The following TBC1D1 variants were observed in gnomAD, a reference collection of about 807,000 sequenced individuals.
TBC1D1 encodes the protein TBC1 (tre-2/USP6, BUB2, cdc16) domain family, member 1.
Under a neutral mutation model 125.6 loss-of-function variants are expected in TBC1D1, and 89 were observed. The observed-to-expected ratio is 0.71, with a 90% CI of 0.60 to 0.85. The LOEUF (loss-of-function observed/expected upper bound fraction) is 0.85, where lower values mean the gene tolerates loss of function less well. Among genes scored for constraint, TBC1D1 ranks in the 40% least tolerant of loss-of-function variants. The pLI is 0.00. For synonymous variants in TBC1D1, 565 were observed against 564.1 expected, an observed-to-expected ratio of 1.00 and a Z score of -0.02; for missense variants, 1,377 against 1,469.2, an observed-to-expected ratio of 0.94 and a Z score of 1.03.
intron 12 of TBC1D1, chr4:38,060,666 A>G: frequency 7.8e-7 from 1 of 1,287,418 alleles, no homozygotes; most frequent in Admixed American, 2.3e-5. Flanking sequence ...AAGGTAAAGC[A>G]GATAGAGGCA....
intron 2 of TBC1D1, among the ~76,000 whole-genome samples, chr4:37,954,307 G>A (rs78364024): frequency 0.076 from 11,615 of 151,832 alleles, 602 homozygotes; most frequent in Non-Finnish European, 0.1. Flanking sequence ...CTTTCCTATG[G>A]TACTGAACAT....
chr4:38,124,913 C>A (rs768595991), intron 17 of TBC1D1, 49 bp from the exon 20 acceptor site: 1 of 1,535,276 alleles, frequency 6.5e-7, no homozygotes, highest in Non-Finnish European at 9.0e-7. Context: ...AATGGTATTG[C>A]GTGAGAAACT....
intron 12 of TBC1D1, among the ~76,000 whole-genome samples, chr4:38,068,139 A>C (rs1395284763): frequency 1.3e-5 from 2 of 152,062 alleles, no homozygotes; most frequent in Non-Finnish European, 2.9e-5. Context: ...AAGCAGAACA[A>C]AACAGGAGAT....
At chr4:38,121,101 C>T (rs528832860) in intron 17 of TBC1D1, among the ~76,000 whole-genome samples, 18 of 152,230 alleles carry the variant, frequency 1.2e-4, no homozygotes, top group African/African-American at 3.4e-4. Flanking sequence ...CATGATGCCG[C>T]GTGATGATGA....
At chr4:38,052,761 CACAG>C (rs771160582) in intron 11 of TBC1D1, among the ~76,000 whole-genome samples, 4,805 of 103,948 alleles carry the variant, frequency 0.046, 105 homozygotes, top group Middle Eastern at 0.078. Context: ...CACACACACA[CACAG>C]GATAACATCT....
At chr4:38,128,399 T>C (rs1765014931) in intron 18 of TBC1D1, among the ~76,000 whole-genome samples, 1 of 152,174 alleles carries the variant, frequency 6.6e-6, no homozygotes, top group Non-Finnish European at 1.5e-5. Flanking sequence ...GGGTCCAGCA[T>C]GATTCCTCTG....
At chr4:37,972,736 C>G (rs1732298071) in intron 2 of TBC1D1, among the ~76,000 whole-genome samples, 1 of 151,658 alleles carries the variant, frequency 6.6e-6, no homozygotes, top group African/African-American at 2.4e-5. Context: ...AACCCCGTCT[C>G]TACTAAAAAT....
At chr4:37,941,439 G>A (rs112509067) in intron 2 of TBC1D1, among the ~76,000 whole-genome samples, 5 of 151,856 alleles carry the variant, frequency 3.3e-5, no homozygotes, top group Admixed American at 6.6e-5. Context: ...TCTTGCTAGC[G>A]GTCTATCAAT....
At chr4:37,920,074 C>T (rs1377546102) in intron 2 of TBC1D1, among the ~76,000 whole-genome samples, 1 of 152,242 alleles carries the variant, frequency 6.6e-6, no homozygotes, top group African/African-American at 2.4e-5. Flanking sequence ...GATAACGCCA[C>T]TGCACTCCGG....
At chr4:38,044,898 C>T (rs186286722) in intron 9 of TBC1D1, among the ~76,000 whole-genome samples, 18 of 152,280 alleles carry the variant, frequency 1.2e-4, no homozygotes, top group African/African-American at 3.1e-4. Flanking sequence ...GCAAACTATG[C>T]CCATGGGCCA....
chr4:37,991,239 A>C (rs1365709403), intron 2 of TBC1D1, among the ~76,000 whole-genome samples: 1 of 149,916 alleles, frequency 6.7e-6, no homozygotes, highest in Non-Finnish European at 1.5e-5. Flanking sequence ...AGAACTGACT[A>C]TACACTGTTA....
intron 11 of TBC1D1, among the ~76,000 whole-genome samples, chr4:38,052,728 G>GCACACACA (rs56153191): frequency 0.05 from 5,965 of 118,240 alleles, 170 homozygotes; most frequent in Non-Finnish European, 0.063. Flanking sequence ...GCGCGCGCGC[G>GCACACACA]CACACACACA....
intron 2 of TBC1D1, chr4:37,960,709 A>C: frequency 6.2e-7 from 1 of 1,614,250 alleles, no homozygotes; most frequent in Non-Finnish European, 8.5e-7. Flanking sequence ...TCTGCCAAAA[A>C]GATGACCGAG....
intron 2 of TBC1D1, among the ~76,000 whole-genome samples, chr4:37,946,958 C>G (rs1482352461): frequency 6.6e-6 from 1 of 152,114 alleles, no homozygotes; most frequent in African/African-American, 2.4e-5. Context: ...AATCTAGAAG[C>G]TGAAAACAGC....
At chr4:37,930,777 A>T (rs1193266038) in intron 2 of TBC1D1, among the ~76,000 whole-genome samples, 1 of 152,272 alleles carries the variant, frequency 6.6e-6, no homozygotes, top group Non-Finnish European at 1.5e-5. Context: ...TGAAATAAAT[A>T]CTAAGCATAT....
At chr4:38,012,823 T>G (rs927353147) in intron 2 of TBC1D1, among the ~76,000 whole-genome samples, 2 of 151,870 alleles carry the variant, frequency 1.3e-5, no homozygotes, top group African/African-American at 4.8e-5. Context: ...TGAGACAGTC[T>G]TGTGCTGTCA....
intron 2 of TBC1D1, among the ~76,000 whole-genome samples, chr4:37,964,093 C>T (rs1211834935): frequency 6.6e-6 from 1 of 152,212 alleles, no homozygotes; most frequent in Admixed American, 6.5e-5. Context: ...GGCTTGCTTA[C>T]TATAGCATCC....
intron 12 of TBC1D1, among the ~76,000 whole-genome samples, chr4:38,087,847 A>G (rs1757764111): frequency 1.0e-5 from 1 of 100,078 alleles, no homozygotes; most frequent in Non-Finnish European, 2.0e-5. Flanking sequence ...TTCCGTCTCA[A>G]AAAAAAAAAA....
rs1716233198 is a variant in TBC1D1 at position 37,902,277 on chromosome 4, C to T, written c.182C>T (p.Thr61Ile). ...CAGTCCACCAGAAAGGAACCTGTAA[C>T]CAAGCAAGTCCGGCTTTGCGTTTCA... The change falls in exon 2 of 20, where the codon ACC becomes ATC. Residue 61 changes from threonine (T) to isoleucine (I), a missense_variant. Physicochemically the swap from Thr to Ile is moderately conservative, Grantham distance 89 (BLOSUM62 -1). Around this residue, in one of 3 missense-constraint regions of TBC1D1, gnomAD observed 822 missense variants for 824.6 expected, o/e 1.00. Coordinates refer to ENST00000261439, the MANE Select transcript of TBC1D1 (RefSeq NM_015173.4). 1.2e-6 allele frequency: 2 copies of T among 1,613,928 alleles called. No homozygotes were observed. Among genetic ancestry groups the T allele is most frequent in the Non-Finnish European group, 1.7e-6 (2 of 1,179,992 alleles).
Sources: gnomAD v4.1 joint callset for allele counts (sites outside exome capture counted in the v4.1 genomes callset) on GRCh38, gnomAD v4.1.1 for gene constraint, gnomAD v4.1.1 regional missense constraint, MANE v1.5 for transcripts, NCBI Gene and HGNC (gene_info 2026-07-23, HGNC 2026-07-21) for gene names.